The following TNN variants were observed in gnomAD, a reference collection of about 807,000 sequenced individuals.
TNN encodes the protein tenascin-N.
In TNN, 122 loss-of-function variants were observed where a neutral mutation model predicts 134.4. The ratio of observed to expected loss-of-function variants is 0.91; its 90% confidence interval spans 0.78 to 1.06. The LOEUF is 1.06. TNN is among the 50% of genes least tolerant of loss of function. TNN has a pLI of 0.00. For synonymous variants in TNN, 710 were observed against 670.3 expected (o/e 1.06, Z -0.91); for missense variants, 1,739 against 1,699.4 (o/e 1.02, Z -0.41).
chr1:175,122,126 C>T (rs966644850), intron 11 of TNN, among the ~76,000 whole-genome samples: 3 of 151,792 alleles, frequency 2.0e-5, no homozygotes, highest in Non-Finnish European at 2.9e-5. Flanking sequence ...TGCAGTGACT[C>T]TCACCTGTAA....
chr1:175,098,710 C>T (rs1674640478), intron 9 of TNN, 115 bp downstream of exon 9: 2 of 1,447,388 alleles, frequency 1.4e-6, no homozygotes, highest in East Asian at 2.3e-5. Context: ...GGTTGGTATC[C>T]TCCCATAATA....
At chr1:175,098,196 C>A in intron 8 of TNN, 136 bp from the exon 9 acceptor site, 1 of 1,273,238 alleles carries the variant, frequency 7.9e-7, no homozygotes, top group Non-Finnish European at 1.1e-6. Context: ...CCTTAGACTC[C>A]CAGCGGAGAC....
At chr1:175,097,000 C>A (rs1365444842) in intron 7 of TNN, among the ~76,000 whole-genome samples, 1 of 152,194 alleles carries the variant, frequency 6.6e-6, no homozygotes, top group Non-Finnish European at 1.5e-5. Flanking sequence ...GCTACTACTT[C>A]TAGGATATTT....
At chr1:175,119,433 C>T (rs186803252) in intron 11 of TNN, among the ~76,000 whole-genome samples, 188 of 152,194 alleles carry the variant, frequency 1.2e-3, no homozygotes, top group Non-Finnish European at 1.6e-3. Context: ...TTTAACAGCA[C>T]GGTCTTTATG....
intron 1 of TNN, among the ~76,000 whole-genome samples, chr1:175,075,556 A>G (rs998796428): frequency 7.9e-5 from 12 of 152,178 alleles, no homozygotes; most frequent in Non-Finnish European, 1.8e-4. Context: ...ATGGCCTCCC[A>G]AAGTGTTGGG....
At chr1:175,092,076 G>A (rs771900382) in intron 6 of TNN, among the ~76,000 whole-genome samples, 2 of 152,158 alleles carry the variant, frequency 1.3e-5, no homozygotes, top group African/African-American at 4.8e-5. Flanking sequence ...TGAACTTCAC[G>A]AGCAGGACTG....
intron 15 of TNN, among the ~76,000 whole-genome samples, chr1:175,134,970 C>T (rs1475044695): frequency 6.6e-6 from 1 of 152,162 alleles, no homozygotes; most frequent in East Asian, 1.9e-4. Context: ...TTCAACAATC[C>T]CTTTTAAAGG....
intron 12 of TNN, 106 bp downstream of exon 12, chr1:175,123,769 A>C: frequency 6.6e-7 from 1 of 1,525,674 alleles, no homozygotes; most frequent in African/African-American, 1.4e-5. Context: ...GCTTTACCCG[A>C]GGACATTCTT....
intron 9 of TNN, 142 bp from the exon 10 acceptor site, chr1:175,116,797 T>C: frequency 8.6e-7 from 1 of 1,165,212 alleles, no homozygotes; most frequent in East Asian, 2.4e-5. Context: ...ATAAGGTCTA[T>C]ATCCATGAAA....
At chr1:175,136,498 G>A (rs1338985668) in intron 16 of TNN, among the ~76,000 whole-genome samples, 1 of 152,194 alleles carries the variant, frequency 6.6e-6, no homozygotes, top group African/African-American at 2.4e-5. Context: ...CTTAGGATGA[G>A]TCGTTGACCT....
chr1:175,126,109 T>TTC (rs1553318759), intron 12 of TNN, among the ~76,000 whole-genome samples: 1 of 148,996 alleles, frequency 6.7e-6, no homozygotes, highest in Non-Finnish European at 1.5e-5. Context: ...TCTTTCTTTT[T>TTC]TTTTTTTTTT....
intron 11 of TNN, 61 bp downstream of exon 11, chr1:175,118,885 T>C: frequency 6.3e-7 from 1 of 1,594,304 alleles, no homozygotes; most frequent in Non-Finnish European, 8.5e-7. Context: ...CTATTGCAGC[T>C]GAGTGATGAT....
chr1:175,089,161 T>C (rs191949153), intron 6 of TNN, among the ~76,000 whole-genome samples: 59 of 152,322 alleles, frequency 3.9e-4, no homozygotes, highest in African/African-American at 1.3e-3. Context: ...AGACTGTTAA[T>C]TAATTTAAGG....
Position 175,080,382 on chromosome 1 carries a change from A to G in TNN, c.1004A>G (p.Lys335Arg), listed in dbSNP as rs1269845730. ...TACATAGTCACCCTGCGTAACGTCA[A>G]GAATGAAGTTTCTAGCAGCCCACAG... is the stretch of plus-strand genomic sequence containing the variant. Reference protein sequence around the residue: ...TKYIVTLRNVKNEVSSSPQHL... With the variant: ...TKYIVTLRNVRNEVSSSPQHL... Residue 335 changes from lysine (K) to arginine (R), a missense_variant, in exon 4 of 19, where the codon AAG (lysine) becomes AGG (arginine). Physicochemically the swap from Lys to Arg is conservative, Grantham distance 26 (BLOSUM62 2). Coordinates refer to ENST00000239462, the MANE Select transcript of TNN (RefSeq NM_022093.2). The G allele has an allele frequency of 1.9e-6, 3 of 1,614,024 alleles. No individual in the cohort carries two copies. The highest frequency in any genetic ancestry group is 2.7e-5 in the African/African-American group (2 of 74,904).
chr1:175,100,894 A>G (rs1188645351), intron 9 of TNN, among the ~76,000 whole-genome samples: 3 of 152,226 alleles, frequency 2.0e-5, no homozygotes, highest in Admixed American at 6.5e-5. Context: ...ACATAATAAT[A>G]TACATATTTA....
chr1:175,100,392 G>A (rs373740737), intron 9 of TNN, among the ~76,000 whole-genome samples: 317 of 152,344 alleles, frequency 2.1e-3, no homozygotes, highest in African/African-American at 7.2e-3. Flanking sequence ...GGATTCCATT[G>A]AAAACTGCTT....
At chr1:175,108,643 C>T (rs1414070470) in intron 9 of TNN, among the ~76,000 whole-genome samples, 3 of 152,218 alleles carry the variant, frequency 2.0e-5, no homozygotes, top group Non-Finnish European at 2.9e-5. Context: ...TCGAGCGTAG[C>T]GCCGGTGGGC....
chr1:175,146,009 A>G (rs1445203714), intron 18 of TNN, among the ~76,000 whole-genome samples: 2 of 152,088 alleles, frequency 1.3e-5, no homozygotes, highest in Non-Finnish European at 2.9e-5. Flanking sequence ...TACCAATATT[A>G]CTGTAAATAT....
intron 6 of TNN, 114 bp from the exon 7 acceptor site, chr1:175,093,876 T>G: frequency 9.2e-7 from 1 of 1,086,560 alleles, no homozygotes; most frequent in Non-Finnish European, 1.3e-6. Context: ...GACCCCCTTG[T>G]ATTGCATAAA....
Sources: allele counts gnomAD v4.1 joint callset (sites outside exome capture counted in the v4.1 genomes callset), GRCh38; gene constraint gnomAD v4.1.1; transcripts MANE v1.5; gene names NCBI Gene and HGNC (gene_info 2026-07-23, HGNC 2026-07-21).